The following TENT5D variants were observed in gnomAD, a reference collection of about 807,000 sequenced individuals.
TENT5D encodes the protein cancer/testis antigen 112.
For synonymous variants in TENT5D, 103 were observed against 100.6 expected, an observed-to-expected ratio of 1.02 and a Z score of -0.15; for missense variants, 191 against 287.0, an observed-to-expected ratio of 0.67 and a Z score of 2.42.
intron 3 of TENT5D, among the ~76,000 whole-genome samples, chrX:80,399,663 G>A (rs1451342689): frequency 8.9e-6 from 1 of 112,304 alleles, no homozygotes; most frequent in Non-Finnish European, 1.9e-5. Context: ...TTTTAAAGGG[G>A]AATTATTGGA....
upstream of TENT5D, among the ~76,000 whole-genome samples, chrX:80,419,867 C>T (rs932616752): frequency 2.7e-5 from 3 of 110,982 alleles, no homozygotes; most frequent in African/African-American, 9.9e-5. Context: ...TGCATCCCCA[C>T]ACCGAGCTAA....
intron 3 of TENT5D, among the ~76,000 whole-genome samples, chrX:80,351,704 A>T (rs1009258985): frequency 4.8e-4 from 53 of 110,181 alleles, no homozygotes; most frequent in African/African-American, 1.7e-3. Flanking sequence ...GAGAGGAGTT[A>T]TGATCATTTG....
At chrX:80,434,150 CA>C (rs5902800) in intron 1 of TENT5D, among the ~76,000 whole-genome samples, 5 of 87,155 alleles carry the variant, frequency 5.7e-5, no homozygotes, top group African/African-American at 1.8e-4. Context: ...AAAAACAAAA[CA>C]AAAAAAAAAG....
chrX:80,377,717 G>A (rs1241585670), intron 3 of TENT5D, among the ~76,000 whole-genome samples: 1 of 112,003 alleles, frequency 8.9e-6, no homozygotes, highest in Non-Finnish European at 1.9e-5. Context: ...TGTCTTTATA[G>A]TAGCATGATT....
At chrX:80,434,772 G>A (rs937492161) in intron 1 of TENT5D, among the ~76,000 whole-genome samples, 4 of 103,208 alleles carry the variant, frequency 3.9e-5, no homozygotes, top group Admixed American at 1.0e-4. Context: ...CTGAAACTTC[G>A]TTTTTTTCTT....
At chrX:80,374,178 G>A (rs113501346) in intron 3 of TENT5D, among the ~76,000 whole-genome samples, 1,573 of 111,424 alleles carry the variant, frequency 0.014, 36 homozygotes, top group African/African-American at 0.049. Context: ...ATGATCTTGT[G>A]CTTTTTTTGG....
exon 1 of TENT5D, chrX:80,420,524 A>G (rs1377739544): frequency 9.0e-6 from 1 of 111,514 alleles, no homozygotes; most frequent in African/African-American, 3.3e-5. Context: ...CTTCAGAGTA[A>G]GACTGTTAAA....
At chrX:80,347,361 G>T (rs1416111361) in intron 3 of TENT5D, among the ~76,000 whole-genome samples, 1 of 111,842 alleles carries the variant, frequency 8.9e-6, no homozygotes, top group Non-Finnish European at 1.9e-5. Flanking sequence ...ACTTTTTAAT[G>T]ATGGCCATTC....
At chrX:80,424,007 T>C (rs1254438492) in intron 1 of TENT5D, among the ~76,000 whole-genome samples, 3 of 110,950 alleles carry the variant, frequency 2.7e-5, no homozygotes, top group Non-Finnish European at 5.7e-5. Flanking sequence ...GGGCCCACCC[T>C]AACTGCCACC....
exon 3 of TENT5D, chrX:80,442,956 T>C (rs765171207): frequency 8.3e-7 from 1 of 1,209,827 alleles, no homozygotes; most frequent in Non-Finnish European, 1.1e-6. Context: ...AGGTTTGCAA[T>C]GGGCATGATT....
At chrX:80,411,420 A>C (rs766829700) in intron 3 of TENT5D, among the ~76,000 whole-genome samples, 1 of 111,755 alleles carries the variant, frequency 8.9e-6, no homozygotes, top group African/African-American at 3.2e-5. Context: ...TATCCTAGAC[A>C]TTCGTCTTTC....
intron 3 of TENT5D, among the ~76,000 whole-genome samples, chrX:80,404,235 A>G (rs768488343): frequency 8.9e-6 from 1 of 112,187 alleles, no homozygotes; most frequent in African/African-American, 3.2e-5. Context: ...TAACTCAGAG[A>G]TTTCAAAAAA....
At chrX:80,366,071 A>G (rs1446158483) in intron 3 of TENT5D, among the ~76,000 whole-genome samples, 2 of 111,068 alleles carry the variant, frequency 1.8e-5, no homozygotes, top group Admixed American at 9.7e-5. Context: ...GATTAATTCA[A>G]AGGTCTCACT....
intron 3 of TENT5D, among the ~76,000 whole-genome samples, chrX:80,349,009 C>G (rs1428620790): frequency 8.9e-6 from 1 of 111,935 alleles, no homozygotes; most frequent in Non-Finnish European, 1.9e-5. Context: ...AGGGATGAAG[C>G]CATCTTGATT....
chrX:80,394,593 C>T (rs1488238399), intron 3 of TENT5D, among the ~76,000 whole-genome samples: 2 of 109,123 alleles, frequency 1.8e-5, no homozygotes, highest in African/African-American at 6.7e-5. Context: ...GGGGTTTCTC[C>T]ATGTTGGTCA....
At chrX:80,351,668 C>A (rs1050435126) in intron 3 of TENT5D, among the ~76,000 whole-genome samples, 11 of 110,340 alleles carry the variant, frequency 1.0e-4, no homozygotes, top group Non-Finnish European at 1.7e-4. Context: ...CAAACTCATT[C>A]TCTGTCCAGT....
At chrX:80,444,760 G>GT (rs1212443630) in exon 3 of TENT5D, 2 of 122,427 alleles carry the variant, frequency 1.6e-5, no homozygotes, top group African/African-American at 6.5e-5. Flanking sequence ...GAATTTTTGC[G>GT]TAACACTATA....
intron 1 of TENT5D, among the ~76,000 whole-genome samples, chrX:80,429,132 G>A (rs1932037416): frequency 9.0e-6 from 1 of 111,285 alleles, no homozygotes; most frequent in Admixed American, 9.5e-5. Flanking sequence ...CCCTGGACCT[G>A]GTGACTTGCA....
intron 3 of TENT5D, among the ~76,000 whole-genome samples, chrX:80,413,521 G>C (rs928906601): frequency 6.3e-5 from 7 of 111,590 alleles, no homozygotes; most frequent in Admixed American, 2.9e-4. Context: ...ATGGACCCAG[G>C]GGGAGGTAAT....
Sources: allele counts gnomAD v4.1 joint callset (sites outside exome capture counted in the v4.1 genomes callset), GRCh38; gene constraint gnomAD v4.1.1; transcripts MANE v1.5; gene names NCBI Gene and HGNC (gene_info 2026-07-23, HGNC 2026-07-21).